The following ARL6IP6 variants were observed in gnomAD, a reference collection of about 807,000 sequenced individuals.
ARL6IP6 encodes ADP-ribosylation factor-like protein 6-interacting protein 6.
A neutral mutation model predicts 21.5 loss-of-function variants in ARL6IP6; 22 were observed. The ratio of observed to expected loss-of-function variants is 1.02; its 90% CI spans 0.73 to 1.46. The LOEUF is 1.46. ARL6IP6 is among the 40% of genes most tolerant of loss of function. ARL6IP6 has a pLI of 0.00. For missense variants in ARL6IP6, 388 were observed against 299.8 expected, an observed-to-expected ratio of 1.29 and a Z score of -2.17; for synonymous variants, 164 against 125.3, an observed-to-expected ratio of 1.31 and a Z score of -2.06.
chr2:152,748,290 A>T (rs1303669858), intron 3 of ARL6IP6, among the ~76,000 whole-genome samples: 2 of 152,226 alleles, frequency 1.3e-5, no homozygotes, highest in African/African-American at 4.8e-5. Context: ...AATTTTTAGG[A>T]CAAAAGGATA....
In ARL6IP6 at chr2:152,760,031, A is replaced by G; in HGVS notation, c.*191A>G. 2.0e-6 allele frequency: 1 copy of G among 507,128 alleles called. No homozygotes were observed. The highest frequency in any genetic ancestry group is 3.5e-6 in the Non-Finnish European group (1 of 284,674). 31.4% of individuals were successfully genotyped at this position (507,128 alleles called of 1,614,324 possible). ...TTTTAGAATGTCTGAGTATTAAGAT[A>G]CAGATTAATTGGGAATATCTGAGTA... On this transcript the variant is annotated 3_prime_UTR_variant, in exon 4 of 4. Coordinates refer to ENST00000326446, the MANE Select transcript of ARL6IP6 (RefSeq NM_152522.7).
At chr2:152,751,432 C>G (rs1479668557) in intron 3 of ARL6IP6, among the ~76,000 whole-genome samples, 5 of 152,206 alleles carry the variant, frequency 3.3e-5, no homozygotes, top group Admixed American at 3.3e-4. Flanking sequence ...CTATAGAACA[C>G]TAGAAGTCAT....
chr2:152,761,847 C>G lies in ARL6IP6; in HGVS notation c.*2007C>G, dbSNP rs756876806. Among the ~76,000 whole-genome samples, 58 of 152,158 alleles carry G rather than the reference C, an allele frequency of 3.8e-4. No homozygotes were observed. Among genetic ancestry groups the G allele is most frequent in the Non-Finnish European group, 7.4e-4 (50 of 68,016 alleles). On this transcript the variant is annotated 3_prime_UTR_variant, in exon 4 of 4. Transcript: ENST00000326446. Reference sequence around the variant, plus strand: ...GATGTTCACACAATGATGAAATTGCCTAATGACGCTTTTCTCAGAATATAT... The same window carrying G: ...GATGTTCACACAATGATGAAATTGCGTAATGACGCTTTTCTCAGAATATAT...
intron 3 of ARL6IP6, among the ~76,000 whole-genome samples, chr2:152,744,803 A>G (rs1700972383): frequency 6.6e-6 from 1 of 152,166 alleles, no homozygotes; most frequent in Non-Finnish European, 1.5e-5. Flanking sequence ...TATTTAATGT[A>G]ACATTATTTA....
chr2:152,751,407 ATT>A (rs1220108808), intron 3 of ARL6IP6, among the ~76,000 whole-genome samples: 8 of 152,114 alleles, frequency 5.3e-5, no homozygotes, highest in African/African-American at 1.9e-4. Flanking sequence ...TGTTAACCAT[ATT>A]TACCCTAAAG....
chr2:152,727,164 C>G (rs559157235), intron 2 of ARL6IP6, among the ~76,000 whole-genome samples: 28 of 152,230 alleles, frequency 1.8e-4, no homozygotes, highest in African/African-American at 6.3e-4. Context: ...AAAGATGTGA[C>G]AGTGAAAAAC....
At chr2:152,755,610 G>T (rs1276972805) in intron 3 of ARL6IP6, among the ~76,000 whole-genome samples, 1 of 152,102 alleles carries the variant, frequency 6.6e-6, no homozygotes, top group Non-Finnish European at 1.5e-5. Context: ...GGCAGAGAAG[G>T]GCCCCCTGTC....
At chr2:152,749,163 A>G (rs1207700790) in intron 3 of ARL6IP6, among the ~76,000 whole-genome samples, 2 of 152,102 alleles carry the variant, frequency 1.3e-5, no homozygotes, top group Admixed American at 6.6e-5. Flanking sequence ...GCAAGTTACT[A>G]TTTAATAGTA....
chr2:152,751,811 A>G (rs1405966747), intron 3 of ARL6IP6, among the ~76,000 whole-genome samples: 1 of 152,108 alleles, frequency 6.6e-6, no homozygotes, highest in Non-Finnish European at 1.5e-5. Flanking sequence ...TATCTTGACT[A>G]TTGTGAATGG....
intron 3 of ARL6IP6, among the ~76,000 whole-genome samples, chr2:152,745,914 T>C (rs1195036306): frequency 6.6e-6 from 1 of 151,140 alleles, no homozygotes; most frequent in Non-Finnish European, 1.5e-5. Flanking sequence ...TATGCATAGA[T>C]ATAACAAAAT....
At chr2:152,737,036 C>A (rs1700585844) in intron 3 of ARL6IP6, among the ~76,000 whole-genome samples, 1 of 152,164 alleles carries the variant, frequency 6.6e-6, no homozygotes, top group African/African-American at 2.4e-5. Context: ...TGGTTAAAAG[C>A]CTTCAGTAGC....
chr2:152,759,798 T>C lies in ARL6IP6; in HGVS notation c.639T>C (p.Asn213=), dbSNP rs144699421. The change falls in exon 4 of 4, where the codon AAT becomes AAC. Residue 213 remains asparagine (N), a synonymous_variant. Coordinates refer to ENST00000326446, the MANE Select transcript of ARL6IP6 (RefSeq NM_152522.7). ...TGGGCTATAGCATGGCGATTTTGAATGGCATCGTAGCTGCTCTTACTGTAG... is the reference window on the plus strand; with the variant it reads ...TGGGCTATAGCATGGCGATTTTGAACGGCATCGTAGCTGCTCTTACTGTAG... ...FHMGYSMAIL[N]GIVAALTVAW... is the part of the protein sequence containing the mutation. 2.2e-4 allele frequency: 353 copies of C among 1,613,650 alleles called. 1 individual carries two copies. The highest frequency in any genetic ancestry group is 7.0e-4 in the Admixed American group (42 of 60,008).
chr2:152,719,356 G>A (rs1220421280), intron 1 of ARL6IP6, among the ~76,000 whole-genome samples: 6 of 152,194 alleles, frequency 3.9e-5, no homozygotes, highest in Non-Finnish European at 8.8e-5. Context: ...AAAGGAGACA[G>A]TGAAAAGTGC....
intron 3 of ARL6IP6, among the ~76,000 whole-genome samples, chr2:152,753,891 C>T (rs540023181): frequency 6.6e-6 from 1 of 151,726 alleles, no homozygotes; most frequent in East Asian, 1.9e-4. Flanking sequence ...TTAGTAGAGA[C>T]GGGGTTTCAC....
intron 2 of ARL6IP6, among the ~76,000 whole-genome samples, chr2:152,725,880 T>C (rs1325198035): frequency 2.0e-5 from 3 of 152,236 alleles, no homozygotes; most frequent in African/African-American, 4.8e-5. Context: ...ACAAAGTTTT[T>C]TTCCTGCTGT....
chr2:152,752,423 G>C (rs1253933718), intron 3 of ARL6IP6, among the ~76,000 whole-genome samples: 1 of 152,176 alleles, frequency 6.6e-6, no homozygotes, highest in Non-Finnish European at 1.5e-5. Context: ...TTACTTTTAG[G>C]AATGCCTTGA....
upstream of ARL6IP6, chr2:152,717,725 A>G (rs1322643721): frequency 7.4e-7 from 1 of 1,348,948 alleles, no homozygotes; most frequent in Non-Finnish European, 9.6e-7. Context: ...GGAAGACAAC[A>G]GTGTCCCAGC....
At chr2:152,750,051 C>T (rs914058090) in intron 3 of ARL6IP6, among the ~76,000 whole-genome samples, 1 of 152,198 alleles carries the variant, frequency 6.6e-6, no homozygotes, top group Non-Finnish European at 1.5e-5. Flanking sequence ...ATATTTATAT[C>T]CTCTGCATCA....
chr2:152,747,967 T>G (rs1701136487), intron 3 of ARL6IP6, among the ~76,000 whole-genome samples: 1 of 152,170 alleles, frequency 6.6e-6, no homozygotes, highest in Non-Finnish European at 1.5e-5. Context: ...TTCCAAAGTG[T>G]TGGGATTACT....
Sources: allele counts gnomAD v4.1 joint callset (sites outside exome capture counted in the v4.1 genomes callset), GRCh38; gene constraint gnomAD v4.1.1; transcripts MANE v1.5; gene names NCBI Gene and HGNC (gene_info 2026-07-23, HGNC 2026-07-21).